Variants in P2RX7 observed in about 807,000 individuals in gnomAD.
The protein encoded by P2RX7 is purinergic receptor P2X 7, also known as P2X purinoceptor 7.
A neutral mutation model predicts 71.6 loss-of-function variants in P2RX7; 62 were observed. That is an observed-to-expected ratio of 0.87 (90% CI 0.71 to 1.07). The LOEUF (loss-of-function observed/expected upper bound fraction) is 1.07. Ranked by LOEUF, P2RX7 falls within the 50% of genes least tolerant of loss-of-function variation. The pLI, the probability that P2RX7 is intolerant of heterozygous loss-of-function variation, is 0.00. For synonymous variants in P2RX7, 299 were observed against 283.3 expected, an observed-to-expected ratio of 1.06 and a Z score of -0.56; for missense variants, 686 against 748.5, an observed-to-expected ratio of 0.92 and a Z score of 0.97.
At chr12:121,176,557 C>T (rs1015346430) in intron 9 of P2RX7, among the ~76,000 whole-genome samples, 1 of 152,000 alleles carries the variant, frequency 6.6e-6, no homozygotes, top group Non-Finnish European at 1.5e-5. Context: ...TCAAGACCAG[C>T]CTGGCCAACA....
intron 1 of P2RX7, 127 bp downstream of exon 1, chr12:121,133,222 C>G (rs1182717809): frequency 1.1e-5 from 12 of 1,093,092 alleles, no homozygotes; most frequent in Non-Finnish European, 1.6e-5. Context: ...GCTCTCACAG[C>G]CAGCTGGGCG....
In P2RX7 at chr12:121,184,879, G is replaced by A; in HGVS notation, c.*77G>A. On this transcript the variant is annotated 3_prime_UTR_variant, in exon 13 of 13. Transcript: ENST00000328963. ...GCAGGCAGATCACCTGAGGTCGGGAGTTGGAGACCCGCCTGGCTAACAAGG... is the reference window on the plus strand; with the variant it reads ...GCAGGCAGATCACCTGAGGTCGGGAATTGGAGACCCGCCTGGCTAACAAGG... 3 of 1,170,326 alleles carry A rather than the reference G, an allele frequency of 2.6e-6. No individual in the cohort carries two copies. Among genetic ancestry groups the A allele is most frequent in the Admixed American group, 5.4e-5 (2 of 36,952 alleles). 72.5% of individuals were successfully genotyped at this position (1,170,326 alleles called of 1,614,324 possible).
intron 3 of P2RX7, among the ~76,000 whole-genome samples, chr12:121,159,047 A>G (rs542983033): frequency 1.3e-5 from 2 of 152,364 alleles, no homozygotes; most frequent in Admixed American, 1.3e-4. Flanking sequence ...GAAAACTACA[A>G]GAAACATTCA....
In P2RX7 at chr12:121,185,078, TC is replaced by T. The variant is rs66941982; in HGVS notation, c.*281del. 0.11 allele frequency: 21,677 copies of T among 199,572 alleles called. 792 individuals are homozygous for T. The highest frequency in any genetic ancestry group is 0.13 in the Non-Finnish European group (14,218 of 108,764). 12.4% of individuals were successfully genotyped at this position (199,572 alleles called of 1,614,324 possible). ...CCAGCCTGGGAGGCACAGCAAACTG[TC>T]CCCCAAAAAAAAAAAAGAGTCCTTA... On this transcript the variant is annotated 3_prime_UTR_variant, in exon 13 of 13. Transcript: ENST00000328963.
chr12:121,138,238 G>A (rs558561867), intron 1 of P2RX7, among the ~76,000 whole-genome samples: 2 of 152,358 alleles, frequency 1.3e-5, no homozygotes, highest in East Asian at 3.9e-4. Context: ...TCATCAGGAC[G>A]GATCCGTCTC....
chr12:121,153,571 G>A lies in P2RX7; in HGVS notation c.126-1214G>A, dbSNP rs561349073. Among the ~76,000 whole-genome samples, 10 of 152,172 alleles carry A rather than the reference G, an allele frequency of 6.6e-5. No homozygotes were observed. The East Asian group carries it at 1.4e-3, about 21-fold the overall frequency. On this transcript the variant is annotated intron_variant, in intron 1 of 12. Coordinates refer to ENST00000328963, the MANE Select transcript of P2RX7 (RefSeq NM_002562.6). ...TACGCGCCTGTAATCCCAGCTACTCGGAAGGCTGAGGCAGGAGAATCACTT... is the reference window on the plus strand; with the variant it reads ...TACGCGCCTGTAATCCCAGCTACTCAGAAGGCTGAGGCAGGAGAATCACTT...
chr12:121,176,844 G>C (rs1470531342), intron 9 of P2RX7, among the ~76,000 whole-genome samples: 1 of 151,374 alleles, frequency 6.6e-6, no homozygotes, highest in Non-Finnish European at 1.5e-5. Flanking sequence ...GGAGAAGCTT[G>C]TCTGAAACCC....
chr12:121,166,093 C>A lies in P2RX7; in HGVS notation c.650C>A (p.Thr217Asn), dbSNP rs201284210. 5.0e-6 allele frequency: 8 copies of A among 1,613,602 alleles called. No individual in the cohort carries two copies. The highest frequency in any genetic ancestry group is 6.8e-6 in the Non-Finnish European group (8 of 1,179,516). ...NILPGLNITC[T>N]FHKTQNPQCP... ...CTGCCAGGTTTAAACATCACTTGTA[C>A]CTTCCACAAGACTCAGAATCCACAG... Residue 217 changes from threonine (T) to asparagine (N), a missense_variant, in exon 7 of 13, where the codon ACC (threonine) becomes AAC (asparagine). Physicochemically the swap from Thr to Asn is moderately conservative, Grantham distance 65. Transcript: ENST00000328963.
At chr12:121,138,514 T>C (rs531588327) in intron 1 of P2RX7, among the ~76,000 whole-genome samples, 3 of 152,274 alleles carry the variant, frequency 2.0e-5, no homozygotes, top group South Asian at 2.1e-4. Context: ...TAGCAGGAAG[T>C]AGGGAGAAGA....
At position 121,167,642 on chromosome 12, in the gene P2RX7, G is replaced by A. The variant is rs779992159; in HGVS notation, c.881+18G>A. 6.6e-7 allele frequency: 1 copy of A among 1,518,974 alleles called. No homozygotes were observed. The highest frequency in any genetic ancestry group is 2.5e-5 in the East Asian group (1 of 40,262). The allele number at this position is 1,518,974 out of a possible 1,614,324, so 94.1% of individuals were successfully genotyped here. On this transcript the variant is annotated intron_variant, in intron 8 of 12. Coordinates refer to ENST00000328963, the MANE Select transcript of P2RX7 (RefSeq NM_002562.6). ...AACTTCAGGTAACTCCAAGGCCCAG[G>A]TCAAACTCACCCAGTGGCTGAATCG...
In P2RX7 at chr12:121,166,090, G is replaced by T. The variant is rs780519247; in HGVS notation, c.647G>T (p.Cys216Phe). The T allele has an allele frequency of 6.8e-6, 11 of 1,613,572 alleles. No homozygotes were observed. The highest frequency in any genetic ancestry group is 8.5e-6 in the Non-Finnish European group (10 of 1,179,606). Reference protein sequence around the residue: ...RNILPGLNITCTFHKTQNPQC... With the variant: ...RNILPGLNITFTFHKTQNPQC... Reference sequence around the variant, plus strand: ...ATCCTGCCAGGTTTAAACATCACTTGTACCTTCCACAAGACTCAGAATCCA... The same window carrying T: ...ATCCTGCCAGGTTTAAACATCACTTTTACCTTCCACAAGACTCAGAATCCA... Residue 216 changes from cysteine (C) to phenylalanine (F), a missense_variant, in exon 7 of 13, where the codon TGT becomes TTT. Coordinates refer to ENST00000328963, the MANE Select transcript of P2RX7 (RefSeq NM_002562.6).
chr12:121,147,706 G>A (rs1876511512), intron 1 of P2RX7, among the ~76,000 whole-genome samples: 1 of 152,080 alleles, frequency 6.6e-6, no homozygotes, highest in Non-Finnish European at 1.5e-5. Flanking sequence ...CTGCCTCCCA[G>A]GTTCAAGCGA....
chr12:121,169,321 T>G (rs1379760227), intron 8 of P2RX7, among the ~76,000 whole-genome samples: 1 of 152,158 alleles, frequency 6.6e-6, no homozygotes, highest in East Asian at 1.9e-4. Flanking sequence ...TCATCTATTA[T>G]TGTTCCAGTG....
chr12:121,140,040 A>G (rs1309356295), intron 1 of P2RX7, among the ~76,000 whole-genome samples: 2 of 152,226 alleles, frequency 1.3e-5, no homozygotes, highest in East Asian at 3.9e-4. Context: ...CCTGCCCCTG[A>G]CTGTCTTCAG....
rs1876979487 is a variant in P2RX7, at chr12:121,149,581, A to C, written c.126-5204A>C. ...GAACAGTATGGGGGAAACTGCCCCCATGATTCAATTATCTCCCACCAGGTC... is the reference window on the plus strand; with the variant it reads ...GAACAGTATGGGGGAAACTGCCCCCCTGATTCAATTATCTCCCACCAGGTC... On this transcript the variant is annotated intron_variant, in intron 1 of 12. Transcript: ENST00000328963. The surrounding 1 kb of genome is among the most constrained non-coding windows in gnomAD (Gnocchi z 4.7). 2.0e-5 allele frequency among the ~76,000 whole-genome samples: 3 copies of C among 152,222 alleles called. No homozygotes were observed. The highest frequency in any genetic ancestry group is 4.4e-5 in the Non-Finnish European group (3 of 68,042).
intron 11 of P2RX7, among the ~76,000 whole-genome samples, chr12:121,178,416 A>G (rs527893333): frequency 1.3e-5 from 2 of 152,236 alleles, no homozygotes; most frequent in Non-Finnish European, 2.9e-5. Flanking sequence ...TATTAACTCA[A>G]TCTTCACAAC....
intron 1 of P2RX7, among the ~76,000 whole-genome samples, chr12:121,147,420 G>A (rs1164937127): frequency 6.6e-6 from 1 of 152,148 alleles, no homozygotes; most frequent in Non-Finnish European, 1.5e-5. Flanking sequence ...CACATGGTAA[G>A]GACTATATTA....
At chr12:121,164,314 T>C (rs192262490) in intron 5 of P2RX7, among the ~76,000 whole-genome samples, 37 of 152,260 alleles carry the variant, frequency 2.4e-4, no homozygotes, top group Admixed American at 2.0e-3. Context: ...AGGTGTTAGA[T>C]ATTTATTTCA....
chr12:121,167,643 T>C lies in P2RX7; in HGVS notation c.881+19T>C, dbSNP rs200179045. 158 of 1,518,982 alleles carry C rather than the reference T, an allele frequency of 1.0e-4. 1 individual carries two copies. The highest frequency in any genetic ancestry group is 1.2e-4 in the Non-Finnish European group (137 of 1,130,580). 94.1% of individuals were successfully genotyped at this position (1,518,982 alleles called of 1,614,324 possible). On this transcript the variant is annotated intron_variant, in intron 8 of 12. Transcript: ENST00000328963. ...ACTTCAGGTAACTCCAAGGCCCAGG[T>C]CAAACTCACCCAGTGGCTGAATCGC...
Sources: gnomAD v4.1 joint callset for allele counts (sites outside exome capture counted in the v4.1 genomes callset) on GRCh38, gnomAD v4.1.1 for gene constraint, Gnocchi (gnomAD v3.1) non-coding constraint, MANE v1.5 for transcripts, NCBI Gene and HGNC (gene_info 2026-07-23, HGNC 2026-07-21) for gene names.